SCN8A: variants seen among roughly 807,000 people sequenced by gnomAD.
SCN8A encodes the protein sodium voltage-gated channel alpha subunit 8.
A neutral mutation model predicts 184.1 loss-of-function variants in SCN8A; 30 were observed. The observed-to-expected ratio is 0.16, with a 90% CI of 0.12 to 0.22. The LOEUF (loss-of-function observed/expected upper bound fraction) is 0.22. Ranked by LOEUF, SCN8A falls within the 10% of genes least tolerant of loss-of-function variation. SCN8A has a pLI of 1.00. For missense variants in SCN8A, 1,057 were observed against 2,498.9 expected (o/e 0.42, Z 12.30); for synonymous variants, 852 against 907.0 (o/e 0.94, Z 1.09).
chr12:51,794,203 G>A (rs1218423217), intron 25 of SCN8A, among the ~76,000 whole-genome samples, 168 bp from the exon 26 acceptor site: 1 of 152,174 alleles, frequency 6.6e-6, no homozygotes, highest in Non-Finnish European at 1.5e-5. Flanking sequence ...TCTTGGTGAG[G>A]TAATATTGAT....
chr12:51,793,745 G>A (rs1938330901), intron 25 of SCN8A, among the ~76,000 whole-genome samples: 2 of 152,178 alleles, frequency 1.3e-5, no homozygotes, highest in African/African-American at 4.8e-5. Context: ...GGCTCAGGCA[G>A]GAGGATCACC....
chr12:51,753,182 T>G (rs1942622003), intron 14 of SCN8A, among the ~76,000 whole-genome samples: 1 of 152,128 alleles, frequency 6.6e-6, no homozygotes, highest in Admixed American at 6.5e-5. Flanking sequence ...CAGCTAATAT[T>G]CAGGAACTCC....
chr12:51,786,887 T>A, intron 22 of SCN8A, 61 bp downstream of exon 22: 1 of 1,486,152 alleles, frequency 6.7e-7, no homozygotes, highest in Non-Finnish European at 9.1e-7. Flanking sequence ...CTAGCACAAA[T>A]CCCATTTGGC....
rs759294229 is a variant in SCN8A, at chr12:51,689,029, G to C, written c.639G>C (p.Leu213=). ...MMAYVTEFVD[L]GNVSALRTFR... Reference sequence around the variant, plus strand: ...GATATGTGACAGAGTTTGTGGACCTGGGCAATGTCTCAGCGCTGAGAACAT... The same window carrying C: ...GATATGTGACAGAGTTTGTGGACCTCGGCAATGTCTCAGCGCTGAGAACAT... The change falls in exon 6 of 27, where the codon CTG becomes CTC. Residue 213 remains leucine, a synonymous_variant. Coordinates refer to ENST00000627620, the MANE Select transcript of SCN8A (RefSeq NM_001330260.2). The C allele has an allele frequency of 1.9e-6, 3 of 1,613,796 alleles. No individual in the cohort carries two copies. In the Admixed American group the frequency reaches 5.0e-5, roughly 27 times the overall value.
intron 18 of SCN8A, 51 bp downstream of exon 18, chr12:51,770,036 G>A: frequency 7.8e-7 from 1 of 1,289,738 alleles, no homozygotes; most frequent in Non-Finnish European, 1.1e-6. Flanking sequence ...GTTGCTCACA[G>A]ACACAGTTGT....
intron 12 of SCN8A, among the ~76,000 whole-genome samples, chr12:51,737,794 G>C (rs536279942): frequency 1.3e-5 from 2 of 152,200 alleles, no homozygotes; most frequent in Non-Finnish European, 2.9e-5. Context: ...CTCAGCTAAA[G>C]GGATAGTAAA....
chr12:51,802,383 C>T (rs977959663), intron 26 of SCN8A, among the ~76,000 whole-genome samples: 1 of 149,824 alleles, frequency 6.7e-6, no homozygotes, highest in Non-Finnish European at 1.5e-5. Flanking sequence ...GCTCAGTGTC[C>T]CCAGCTTCAT....
At chr12:51,768,379 A>G (rs1942869459) in intron 16 of SCN8A, among the ~76,000 whole-genome samples, 2 of 152,226 alleles carry the variant, frequency 1.3e-5, no homozygotes, top group Non-Finnish European at 2.9e-5. Flanking sequence ...ATATGATGAC[A>G]TGAAGTGTAT....
intron 1 of SCN8A, among the ~76,000 whole-genome samples, chr12:51,607,940 A>C (rs550843214): frequency 3.3e-5 from 5 of 152,016 alleles, no homozygotes; most frequent in African/African-American, 9.6e-5. Context: ...TGCTGGCTTC[A>C]TAGAATGAAT....
At chr12:51,635,833 A>G (rs1172590185) in intron 1 of SCN8A, among the ~76,000 whole-genome samples, 1 of 152,122 alleles carries the variant, frequency 6.6e-6, no homozygotes, top group East Asian at 1.9e-4. Flanking sequence ...ATTTCTTAAT[A>G]TTAGGTATGT....
chr12:51,593,371 G>T (rs1484071051), intron 1 of SCN8A, among the ~76,000 whole-genome samples: 1 of 152,218 alleles, frequency 6.6e-6, no homozygotes, highest in Non-Finnish European at 1.5e-5. Context: ...TAATGGTGCA[G>T]ATCAGTTATT....
intron 1 of SCN8A, among the ~76,000 whole-genome samples, chr12:51,617,895 A>G (rs1454412608): frequency 6.6e-6 from 1 of 152,194 alleles, no homozygotes; most frequent in Non-Finnish European, 1.5e-5. Flanking sequence ...AGATCTGGGC[A>G]GCAGTATACT....
chr12:51,620,338 A>ATT (rs1939932431), intron 1 of SCN8A, among the ~76,000 whole-genome samples: 1 of 152,224 alleles, frequency 6.6e-6, no homozygotes, highest in African/African-American at 2.4e-5. Flanking sequence ...TAAATCATGA[A>ATT]TAAAATTAGC....
intron 5 of SCN8A, among the ~76,000 whole-genome samples, chr12:51,687,939 T>G (rs1029629607): frequency 2.0e-5 from 3 of 152,214 alleles, no homozygotes; most frequent in African/African-American, 7.2e-5. Flanking sequence ...AGGTTTTGCA[T>G]GTATGCATGA....
intron 25 of SCN8A, among the ~76,000 whole-genome samples, chr12:51,793,418 A>C (rs1472565762): frequency 1.3e-5 from 2 of 152,158 alleles, no homozygotes; most frequent in Non-Finnish European, 2.9e-5. Flanking sequence ...GGACATGGTA[A>C]GTTTGAGATG....
intron 14 of SCN8A, 109 bp from the exon 15 acceptor site, chr12:51,762,394 A>C: frequency 9.6e-7 from 1 of 1,038,422 alleles, no homozygotes; most frequent in Non-Finnish European, 1.4e-6. Flanking sequence ...GCAGAATTTA[A>C]CTAAGGTTAA....
chr12:51,802,787 T>C (rs1313445368), intron 26 of SCN8A, among the ~76,000 whole-genome samples: 1 of 152,162 alleles, frequency 6.6e-6, no homozygotes, highest in Non-Finnish European at 1.5e-5. Flanking sequence ...GAACGACGAA[T>C]CAGGAATATC....
chr12:51,642,650 A>G (rs1940480346), intron 1 of SCN8A, among the ~76,000 whole-genome samples: 1 of 151,890 alleles, frequency 6.6e-6, no homozygotes, highest in South Asian at 2.1e-4. Context: ...TTTGACAAAC[A>G]TTCTCTCATC....
intron 2 of SCN8A, among the ~76,000 whole-genome samples, chr12:51,665,783 G>C (rs933842458): frequency 6.6e-6 from 1 of 152,198 alleles, no homozygotes; most frequent in Non-Finnish European, 1.5e-5. Flanking sequence ...AAGACCGTAG[G>C]CTGGGCGCAA....
Sources: allele counts gnomAD v4.1 joint callset (sites outside exome capture counted in the v4.1 genomes callset), GRCh38; gene constraint gnomAD v4.1.1; transcripts MANE v1.5; gene names NCBI Gene and HGNC (gene_info 2026-07-23, HGNC 2026-07-21).